The following BRAF variants were observed in gnomAD, a reference collection of about 807,000 sequenced individuals.
The protein encoded by BRAF is serine/threonine-protein kinase B-raf.
BRAF carries 16 observed loss-of-function variants against 104.6 expected under a neutral mutation model. The ratio of observed to expected loss-of-function variants is 0.15; its 90% confidence interval spans 0.10 to 0.23. The LOEUF is 0.23. Ranked by LOEUF, BRAF falls within the 10% of genes least tolerant of loss-of-function variation. BRAF has a pLI of 1.00. For missense variants in BRAF, 541 were observed against 937.3 expected, an observed-to-expected ratio of 0.58 and a Z score of 5.52; for synonymous variants, 310 against 341.6, an observed-to-expected ratio of 0.91 and a Z score of 1.02.
intron 1 of BRAF, among the ~76,000 whole-genome samples, chr7:140,912,653 T>TC (rs1172349928): frequency 2.0e-5 from 3 of 152,170 alleles, no homozygotes; most frequent in African/African-American, 7.2e-5. Context: ...CATCTTTACT[T>TC]CCCCTCCTCT....
rs1460780608 is a variant in BRAF, at chr7:140,719,615, G to T, written c.*6879C>A. The T allele has an allele frequency of 7.5e-6, 8 of 1,061,594 alleles. No individual in the cohort carries two copies. The African/African-American group carries it at 1.3e-4, about 17-fold the overall frequency. 65.8% of individuals were successfully genotyped at this position (1,061,594 alleles called of 1,614,324 possible). A position where few individuals can be genotyped will look rare whatever the true frequency, so the allele number is the denominator to read the frequency against. On this transcript the variant is annotated 3_prime_UTR_variant, in exon 20 of 20. Transcript: ENST00000644969. ...AGTATCAGGAAGTGGGTATGGGGGA[G>T]AATTAAAAAAAATAATAAAAGATTC...
At chr7:140,782,948 G>A (rs1391671390) in intron 11 of BRAF, 73 bp downstream of exon 10, 2 of 1,516,258 alleles carry the variant, frequency 1.3e-6, no homozygotes, top group Non-Finnish European at 1.8e-6. Context: ...TATATCTAAA[G>A]GATAATATTA....
intron 10 of BRAF, among the ~76,000 whole-genome samples, chr7:140,784,527 G>A (rs2129028035): frequency 6.6e-6 from 1 of 152,274 alleles, no homozygotes; most frequent in East Asian, 1.9e-4. Context: ...CAGCAGGGCT[G>A]AGAGAGCAAA....
chr7:140,884,846 A>G (rs1813375690), intron 1 of BRAF, among the ~76,000 whole-genome samples: 1 of 151,968 alleles, frequency 6.6e-6, no homozygotes, highest in Non-Finnish European at 1.5e-5. Context: ...ATAACCAAGA[A>G]ATGTTTAAAA....
At chr7:140,736,417 C>G (rs1157914739) in intron 18 of BRAF, among the ~76,000 whole-genome samples, 12 of 149,720 alleles carry the variant, frequency 8.0e-5, no homozygotes, top group Non-Finnish European at 3.0e-5. Context: ...GAAAACAAGG[C>G]CCACCTGAAC....
chr7:140,883,412 T>C (rs990827223), intron 1 of BRAF, among the ~76,000 whole-genome samples: 2 of 152,236 alleles, frequency 1.3e-5, no homozygotes, highest in African/African-American at 2.4e-5. Context: ...ATATAACTTT[T>C]TCAAGGCTTC....
chr7:140,888,704 G>A (rs1452246389), intron 1 of BRAF, among the ~76,000 whole-genome samples: 2 of 151,966 alleles, frequency 1.3e-5, no homozygotes, highest in African/African-American at 4.8e-5. Flanking sequence ...GTGCGGTGGC[G>A]GGCACCTGTA....
At chr7:140,734,797 G>GAAAAAAAAAAAAAAAAAAA (rs60814637) in intron 18 of BRAF, 27 bp from the exon 18 acceptor site, 14 of 1,129,994 alleles carry the variant, frequency 1.2e-5, no homozygotes, top group South Asian at 3.7e-5. Flanking sequence ...AAAAAAAAAA[G>GAAAAAAAAAAAAAAAAAAA]AAAAAAAAAG....
intron 3 of BRAF, among the ~76,000 whole-genome samples, chr7:140,833,103 C>T (rs1806960315): frequency 6.6e-6 from 1 of 152,106 alleles, no homozygotes; most frequent in African/African-American, 2.4e-5. Context: ...GTCTCGATCT[C>T]CTGACCTCCT....
At chr7:140,805,128 C>T (rs565115176) in intron 5 of BRAF, among the ~76,000 whole-genome samples, 235 of 152,280 alleles carry the variant, frequency 1.5e-3, no homozygotes, top group African/African-American at 5.2e-3. Flanking sequence ...CATTTATTTA[C>T]ACATTCTGTT....
At chr7:140,831,431 T>C (rs932408946) in intron 3 of BRAF, among the ~76,000 whole-genome samples, 1 of 152,202 alleles carries the variant, frequency 6.6e-6, no homozygotes, top group Admixed American at 6.5e-5. Context: ...GATGTTCAGT[T>C]CCACCATTTA....
chr7:140,904,548 C>G (rs1403430675), intron 1 of BRAF, among the ~76,000 whole-genome samples: 1 of 152,126 alleles, frequency 6.6e-6, no homozygotes, highest in East Asian at 1.9e-4. Context: ...TTTGATCAAT[C>G]AAAAATTTTT....
Position 140,720,103 on chromosome 7 carries a change from A to G in BRAF, c.*6391T>C, listed in dbSNP as rs1418695836. ...ATGACAACTACTGAATAAAATTCAG[A>G]GACACATGTTGATGAATGATCAAAT... On this transcript the variant is annotated 3_prime_UTR_variant, in exon 20 of 20. Coordinates refer to ENST00000644969, the MANE Select transcript of BRAF (RefSeq NM_001374258.1). The G allele has an allele frequency of 6.6e-6, 7 of 1,060,846 alleles. No individual in the cohort carries two copies. The African/African-American group carries it at 1.2e-4, about 17-fold the overall frequency. The allele number at this position is 1,060,846 out of a possible 1,614,324, so 65.7% of individuals were successfully genotyped here.
At position 140,720,497 on chromosome 7, in the gene BRAF, TC is replaced by T. The variant is rs1236111268; in HGVS notation, c.*5996del. The T allele has an allele frequency of 1.9e-6, 2 of 1,064,516 alleles. No homozygotes were observed. The highest frequency in any genetic ancestry group is 2.3e-6 in the Non-Finnish European group (2 of 878,756). The allele number at this position is 1,064,516 out of a possible 1,614,324, so 65.9% of individuals were successfully genotyped here. A position where few individuals can be genotyped will look rare whatever the true frequency, so the allele number is the denominator to read the frequency against. On this transcript the variant is annotated 3_prime_UTR_variant, in exon 20 of 20. Coordinates refer to ENST00000644969, the MANE Select transcript of BRAF (RefSeq NM_001374258.1). ...TATATGTTGATATAGCTGGTTTTAA[TC>T]AGCTATGGAACATACACAAATGTAT...
chr7:140,924,797 G>GCGGAGT lies in BRAF; in HGVS notation c.-95_-94insACTCCG, dbSNP rs1818708543. The stretch of plus-strand genomic sequence containing the variant: ...GGGGGAGGCGGAGGCGGAGGCGGAG[G>GCGGAGT]CGGAGGAGCGGGGGGCGCGGGGGGC... On this transcript the variant is annotated 5_prime_UTR_variant, in exon 1 of 20. Transcript: ENST00000644969. This position sits in a 1 kb window ranked among gnomAD's most constrained non-coding sequence, Gnocchi z 4.2. The GCGGAGT allele has an allele frequency of 2.1e-6, 1 of 467,982 alleles. No individual in the cohort carries two copies. The highest frequency in any genetic ancestry group is 3.7e-6 in the Non-Finnish European group (1 of 269,998). The allele number at this position is 467,982 out of a possible 1,614,324, so 29.0% of individuals were successfully genotyped here.
Position 140,723,014 on chromosome 7 carries a change from G to C in BRAF, c.*3480C>G. Reference sequence around the variant, plus strand: ...AGTTAAAATCTTAAATCATCGTCATGTTCTAGAGCTCCTGACTTTTCATAT... The same window carrying C: ...AGTTAAAATCTTAAATCATCGTCATCTTCTAGAGCTCCTGACTTTTCATAT... On this transcript the variant is annotated 3_prime_UTR_variant, in exon 20 of 20. Coordinates refer to ENST00000644969, the MANE Select transcript of BRAF (RefSeq NM_001374258.1). 1.9e-6 allele frequency: 2 copies of C among 1,053,074 alleles called. No homozygotes were observed. Among genetic ancestry groups the C allele is most frequent in the Non-Finnish European group, 2.3e-6 (2 of 871,680 alleles). The allele number at this position is 1,053,074 out of a possible 1,614,324, so 65.2% of individuals were successfully genotyped here. A position where few individuals can be genotyped will look rare whatever the true frequency, so the allele number is the denominator to read the frequency against.
At chr7:140,819,813 T>G (rs1451654459) in intron 3 of BRAF, among the ~76,000 whole-genome samples, 1 of 152,172 alleles carries the variant, frequency 6.6e-6, no homozygotes, top group Non-Finnish European at 1.5e-5. Context: ...AATGGGTGGT[T>G]ACATAGGGAT....
chr7:140,719,588 A>T lies in BRAF; in HGVS notation c.*6906T>A. ...AGGGACCTGAGCAGGAAAGAGAACC[A>T]AAGTATCAGGAAGTGGGTATGGGGG... is the stretch of plus-strand genomic sequence containing the variant. On this transcript the variant is annotated 3_prime_UTR_variant, in exon 20 of 20. Transcript: ENST00000644969. 1 of 1,060,208 alleles carries T rather than the reference A, an allele frequency of 9.4e-7. No individual in the cohort carries two copies. Among genetic ancestry groups the T allele is most frequent in the Non-Finnish European group, 1.1e-6 (1 of 875,380 alleles). 65.7% of individuals were successfully genotyped at this position (1,060,208 alleles called of 1,614,324 possible). A position where few individuals can be genotyped will look rare whatever the true frequency, so the allele number is the denominator to read the frequency against.
intron 14 of BRAF, among the ~76,000 whole-genome samples, chr7:140,764,094 T>C (rs1473643963): frequency 3.2e-4 from 48 of 152,246 alleles, no homozygotes; most frequent in African/African-American, 8.7e-4. Context: ...AAAAGCTTAT[T>C]CACCATGATC....
Sources: allele counts gnomAD v4.1 joint callset (sites outside exome capture counted in the v4.1 genomes callset), GRCh38; gene constraint gnomAD v4.1.1; non-coding constraint Gnocchi (gnomAD v3.1); transcripts MANE v1.5; gene names NCBI Gene and HGNC (gene_info 2026-07-23, HGNC 2026-07-21).